The following ZNF791 variants were observed in gnomAD, a reference collection of about 807,000 sequenced individuals.
ZNF791 encodes zinc finger protein 791.
ZNF791 carries 4 observed loss-of-function variants against 11.5 expected under a neutral mutation model. That is an observed-to-expected ratio of 0.35 (90% CI 0.17 to 0.80). The LOEUF (loss-of-function observed/expected upper bound fraction) is 0.80. Among genes scored for constraint, ZNF791 ranks in the 30% least tolerant of loss-of-function variants. The probability of loss-of-function intolerance (pLI) is 0.53; values close to 1 mark genes in which losing one functional copy is unlikely to be tolerated. For missense variants in ZNF791, 559 were observed against 699.4 expected (o/e 0.80, Z 2.26); for synonymous variants, 212 against 228.1 (o/e 0.93, Z 0.64).
intron 3 of ZNF791, among the ~76,000 whole-genome samples, chr19:12,626,851 C>T (rs537049385): frequency 3.0e-4 from 45 of 152,110 alleles, no homozygotes; most frequent in African/African-American, 1.1e-3. Context: ...ATGATCTGCC[C>T]GTCTCGGCCT....
At chr19:12,612,295 T>A (rs2023169347) in intron 1 of ZNF791, 1 of 203,960 alleles carries the variant, frequency 4.9e-6, no homozygotes, top group Non-Finnish European at 8.6e-6. Flanking sequence ...ACCCTCAGCA[T>A]CCCAAAGTGC....
Position 12,632,282 on chromosome 19 carries a change from C to G in ZNF791, c.*3022C>G, listed in dbSNP as rs1449964263. 6.6e-6 allele frequency: 1 copy of G among 150,612 alleles called. No homozygotes were observed. The highest frequency in any genetic ancestry group is 2.4e-5 in the African/African-American group (1 of 41,024). The allele number at this position is 150,612 out of a possible 1,614,324, so 9.3% of individuals were successfully genotyped here. ...CCGGCCTGAAGTGTATTTTTTTTTT[C>G]TTTTAAAGACCAGTGTTAGTAGAAG... On this transcript the variant is annotated 3_prime_UTR_variant, in exon 4 of 4. Transcript: ENST00000343325.
At position 12,628,624 on chromosome 19, in the gene ZNF791, T is replaced by A. The variant is rs760932096; in HGVS notation, c.1095T>A (p.Phe365Leu). ...AGTGTAAAGAATGTGGGAAAGCCTT[T>A]AGTAGAATCAGTTACTTTCGAATAC... Reference protein sequence around the residue: ...PYKCKECGKAFSRISYFRIHE... With the variant: ...PYKCKECGKALSRISYFRIHE... The change falls in exon 4 of 4, where the codon TTT becomes TTA. Residue 365 changes from phenylalanine (F) to leucine (L), a missense_variant. Physicochemically the swap from Phe to Leu is conservative, Grantham distance 22. Transcript: ENST00000343325. 2 of 1,605,202 alleles carry A rather than the reference T, an allele frequency of 1.2e-6. No homozygotes were observed. The highest frequency in any genetic ancestry group is 1.7e-6 in the Non-Finnish European group (2 of 1,176,394).
Position 12,610,925 on chromosome 19 carries a change from C to T in ZNF791, c.-155C>T. ...AGGGTACGGCTACGCTGCGCAAATG[C>T]GTGCTACGTCACTGTGCGATCGGGT... On this transcript the variant is annotated 5_prime_UTR_variant, in exon 1 of 4. Coordinates refer to ENST00000343325, the MANE Select transcript of ZNF791 (RefSeq NM_153358.3). 5 of 1,074,138 alleles carry T rather than the reference C, an allele frequency of 4.7e-6. No homozygotes were observed. Among genetic ancestry groups the T allele is most frequent in the Non-Finnish European group, 1.4e-6 (1 of 706,842 alleles). 66.5% of individuals were successfully genotyped at this position (1,074,138 alleles called of 1,614,324 possible).
chr19:12,624,507 A>G (rs987900552), intron 2 of ZNF791, 143 bp from the exon 3 acceptor site: 1 of 606,764 alleles, frequency 1.6e-6, no homozygotes, highest in African/African-American at 1.9e-5. Flanking sequence ...GCTCATAATC[A>G]CTGTTCCGAG....
At chr19:12,613,031 C>T (rs2023185463) in intron 1 of ZNF791, among the ~76,000 whole-genome samples, 2 of 151,888 alleles carry the variant, frequency 1.3e-5, no homozygotes, top group African/African-American at 4.8e-5. Context: ...AAGGTAGGTA[C>T]ACTGAGTGTA....
intron 1 of ZNF791, chr19:12,623,111 T>C (rs1217718650): frequency 6.6e-6 from 1 of 152,290 alleles, no homozygotes; most frequent in East Asian, 1.9e-4. Flanking sequence ...GAAATAAGAA[T>C]TTATCTCATA....
Position 12,630,980 on chromosome 19 carries a change from T to C in ZNF791, c.*1720T>C, listed in dbSNP as rs1011210730. The C allele has an allele frequency of 2.0e-5, 3 of 152,182 alleles. No individual in the cohort carries two copies. The highest frequency in any genetic ancestry group is 4.4e-5 in the Non-Finnish European group (3 of 68,028). 9.4% of individuals were successfully genotyped at this position (152,182 alleles called of 1,614,324 possible). On this transcript the variant is annotated 3_prime_UTR_variant, in exon 4 of 4. Coordinates refer to ENST00000343325, the MANE Select transcript of ZNF791 (RefSeq NM_153358.3). ...AATGTAGTGTAGTCCAAGTGTACAG[T>C]GTTTATAAATTCTCCATTAGTGTAC... is the stretch of plus-strand genomic sequence containing the variant.
intron 1 of ZNF791, among the ~76,000 whole-genome samples, chr19:12,619,374 T>A (rs1292052258): frequency 1.3e-5 from 2 of 151,748 alleles, no homozygotes; most frequent in African/African-American, 4.8e-5. Flanking sequence ...TTAAAAAAAG[T>A]GGTGGAGTGT....
Position 12,611,019 on chromosome 19 carries a change from G to A in ZNF791, c.-61G>A. 6.2e-7 allele frequency: 1 copy of A among 1,613,124 alleles called. No homozygotes were observed. The highest frequency in any genetic ancestry group is 1.1e-5 in the South Asian group (1 of 91,036). ...GCTGTACCCCTGCATCGGATGCGCT[G>A]TACCCTGCGCTGGCTCCGTGAACCT... On this transcript the variant is annotated 5_prime_UTR_variant, in exon 1 of 4. Coordinates refer to ENST00000343325, the MANE Select transcript of ZNF791 (RefSeq NM_153358.3).
In ZNF791 at chr19:12,624,670, A is replaced by G. The variant is rs748605916; in HGVS notation, c.151A>G (p.Asn51Asp). The G allele has an allele frequency of 6.2e-7, 1 of 1,607,832 alleles. No homozygotes were observed. Residue 51 changes from asparagine (N) to aspartate (D), a missense_variant, in exon 3 of 4, where the codon AAT (asparagine) becomes GAT (aspartate). Coordinates refer to ENST00000343325, the MANE Select transcript of ZNF791 (RefSeq NM_153358.3). ...ASIGEKWEDP[N>D]VEDQHKNQGR... ...TTTAGGGGAAAAATGGGAAGACCCGAATGTTGAAGATCAACACAAAAACCA... is the reference window on the plus strand; with the variant it reads ...TTTAGGGGAAAAATGGGAAGACCCGGATGTTGAAGATCAACACAAAAACCA...
intron 1 of ZNF791, 100 bp from the exon 2 acceptor site, chr19:12,623,600 G>A: frequency 2.0e-6 from 3 of 1,509,708 alleles, no homozygotes; most frequent in Non-Finnish European, 2.7e-6. Flanking sequence ...TGCACTAAAT[G>A]TTTGGAGACC....
In ZNF791 at chr19:12,610,965, G is replaced by A. The variant is rs2023146348; in HGVS notation, c.-115G>A. The A allele has an allele frequency of 5.7e-6, 8 of 1,406,430 alleles. No homozygotes were observed. Among genetic ancestry groups the A allele is most frequent in the African/African-American group, 2.8e-5 (2 of 71,176 alleles). 87.1% of individuals were successfully genotyped at this position (1,406,430 alleles called of 1,614,324 possible). The stretch of plus-strand genomic sequence containing the variant: ...TGCGATCGGGTTGTGCTTAGCTTGG[G>A]GTCTCCTGGCCCCTTGACGCGTCAG... On this transcript the variant is annotated 5_prime_UTR_variant, in exon 1 of 4. Transcript: ENST00000343325.
chr19:12,621,627 G>A (rs556615855), intron 1 of ZNF791, among the ~76,000 whole-genome samples: 1 of 149,976 alleles, frequency 6.7e-6, no homozygotes, highest in African/African-American at 2.5e-5. Flanking sequence ...TTAAAAGTTG[G>A]ATTTCCACAA....
At chr19:12,622,048 C>T (rs917961185) in intron 1 of ZNF791, among the ~76,000 whole-genome samples, 28 of 136,204 alleles carry the variant, frequency 2.1e-4, no homozygotes, top group African/African-American at 7.3e-4. Flanking sequence ...GATCTGTGAC[C>T]TTACCCCCAA....
chr19:12,621,818 G>A (rs1182565266), intron 1 of ZNF791, among the ~76,000 whole-genome samples: 6 of 139,040 alleles, frequency 4.3e-5, no homozygotes, highest in African/African-American at 5.4e-5. Flanking sequence ...GGAGGTGAGG[G>A]GCGCCTCTGC....
At chr19:12,626,706 G>A (rs1002254574) in intron 3 of ZNF791, among the ~76,000 whole-genome samples, 9 of 151,972 alleles carry the variant, frequency 5.9e-5, no homozygotes, top group African/African-American at 1.9e-4. Context: ...CCAGGTTCAC[G>A]CCATTCTCCT....
chr19:12,618,913 T>C (rs2023288816), intron 1 of ZNF791, among the ~76,000 whole-genome samples: 1 of 150,812 alleles, frequency 6.6e-6, no homozygotes, highest in South Asian at 2.1e-4. Flanking sequence ...AGTGGTGTGA[T>C]CTCAGCTCAC....
chr19:12,614,892 CTTTTTTTTTTTTTTTTTTTTTT>C (rs57575424), intron 1 of ZNF791, among the ~76,000 whole-genome samples: 3 of 17,550 alleles, frequency 1.7e-4, no homozygotes, highest in African/African-American at 2.8e-4. Flanking sequence ...TGCGTCCGGC[CTTTTTTTTTTTTTTTTTTTTTT>C]TTTTTTTTTT....
Sources: allele counts gnomAD v4.1 joint callset (sites outside exome capture counted in the v4.1 genomes callset), GRCh38; gene constraint gnomAD v4.1.1; transcripts MANE v1.5; gene names NCBI Gene and HGNC (gene_info 2026-07-23, HGNC 2026-07-21).